The following PREX2 variants were observed in gnomAD, a reference collection of about 807,000 sequenced individuals.
The protein encoded by PREX2 is phosphatidylinositol 3,4,5-trisphosphate-dependent Rac exchanger 2 protein.
PREX2 carries 107 observed loss-of-function variants against 203.2 expected under a neutral mutation model. The ratio of observed to expected loss-of-function variants is 0.53; its 90% CI spans 0.45 to 0.62. The LOEUF (loss-of-function observed/expected upper bound fraction) is 0.62, where lower values mean the gene tolerates loss of function less well. PREX2 is among the 20% of genes least tolerant of loss of function. The pLI, the probability that PREX2 is intolerant of heterozygous loss-of-function variation, is 0.00. For synonymous variants in PREX2, 672 were observed against 663.6 expected, an observed-to-expected ratio of 1.01 and a Z score of -0.19; for missense variants, 1,777 against 1,955.9, an observed-to-expected ratio of 0.91 and a Z score of 1.72.
intron 23 of PREX2, chr8:68,105,008 T>G: frequency 1.7e-6 from 1 of 587,126 alleles, no homozygotes; most frequent in Non-Finnish European, 2.7e-6. Context: ...AGCAGATTAA[T>G]GAGTTCAGTG....
Position 68,099,811 on chromosome 8 carries a change from C to A in PREX2, c.2683C>A (p.His895Asn). Residue 895 changes from histidine to asparagine, a missense_variant, in exon 23 of 40, where the codon CAC becomes AAC. By Grantham distance (68) the His-to-Asn change is moderately conservative. Coordinates refer to ENST00000288368, the MANE Select transcript of PREX2 (RefSeq NM_024870.4). Reference sequence around the variant, plus strand: ...TGCCCTTTGCAGTGAAAGAATTGAACACCTATGTCAGAGAATATCCAGTTA... The same window carrying A: ...TGCCCTTTGCAGTGAAAGAATTGAAAACCTATGTCAGAGAATATCCAGTTA... ...FSALCSERIE[H>N]LCQRISSYKK... The A allele has an allele frequency of 6.2e-7, 1 of 1,611,896 alleles. No homozygotes were observed. Among genetic ancestry groups the A allele is most frequent in the African/African-American group, 1.3e-5 (1 of 74,980 alleles).
chr8:68,003,846 T>G (rs1807015361), intron 1 of PREX2, among the ~76,000 whole-genome samples: 1 of 25,922 alleles, frequency 3.9e-5, no homozygotes, highest in African/African-American at 1.1e-4. Flanking sequence ...CCTGACCTTT[T>G]TTTTTTTTTT....
intron 26 of PREX2, among the ~76,000 whole-genome samples, 165 bp from the exon 27 acceptor site, chr8:68,118,385 C>T (rs1176727236): frequency 2.6e-5 from 4 of 151,836 alleles, no homozygotes; most frequent in Non-Finnish European, 5.9e-5. Flanking sequence ...GAAAATATGC[C>T]GTCTTTAAAA....
chr8:68,170,113 G>T (rs1811846330), intron 35 of PREX2, among the ~76,000 whole-genome samples: 1 of 152,144 alleles, frequency 6.6e-6, no homozygotes. Context: ...GTGAATGGAT[G>T]CACTCAAGTC....
intron 19 of PREX2, 112 bp from the exon 20 acceptor site, chr8:68,090,467 A>C: frequency 2.3e-5 from 20 of 876,492 alleles, no homozygotes; most frequent in African/African-American, 3.4e-5. Flanking sequence ...TCAAGATTAT[A>C]CTAGCTAGAC....
chr8:68,080,946 C>T, intron 17 of PREX2, 108 bp downstream of exon 17: 1 of 722,518 alleles, frequency 1.4e-6, no homozygotes, highest in Non-Finnish European at 2.4e-6. Flanking sequence ...TTGAAATTAT[C>T]TTTATCAAAC....
At chr8:68,136,438 G>A (rs529552602) in intron 32 of PREX2, among the ~76,000 whole-genome samples, 26 of 152,318 alleles carry the variant, frequency 1.7e-4, no homozygotes, top group Admixed American at 3.3e-4. Context: ...TAGGAGCAGC[G>A]CTCTGGTGGT....
intron 39 of PREX2, among the ~76,000 whole-genome samples, chr8:68,229,625 G>A (rs1418231359): frequency 6.6e-6 from 1 of 152,138 alleles, no homozygotes; most frequent in Non-Finnish European, 1.5e-5. Flanking sequence ...CAATTTGCAA[G>A]GCAGACATTT....
At chr8:68,195,557 A>C (rs939723984) in intron 37 of PREX2, among the ~76,000 whole-genome samples, 1 of 152,228 alleles carries the variant, frequency 6.6e-6, no homozygotes, top group Admixed American at 6.5e-5. Flanking sequence ...ATTAGGATCC[A>C]AAACCCCACA....
intron 1 of PREX2, among the ~76,000 whole-genome samples, chr8:67,972,005 A>G (rs902427852): frequency 3.9e-5 from 6 of 152,228 alleles, no homozygotes; most frequent in African/African-American, 1.2e-4. Flanking sequence ...CTAAGTGCCA[A>G]TTTGTGAACA....
intron 1 of PREX2, among the ~76,000 whole-genome samples, chr8:68,016,107 C>G (rs1043425710): frequency 1.3e-5 from 2 of 152,072 alleles, no homozygotes; most frequent in East Asian, 3.9e-4. Flanking sequence ...AGTCTTGTTC[C>G]TCTTTTGATA....
intron 1 of PREX2, among the ~76,000 whole-genome samples, chr8:68,005,547 C>A (rs1297750024): frequency 6.6e-6 from 1 of 152,190 alleles, no homozygotes; most frequent in African/African-American, 2.4e-5. Context: ...CCTTTTGCCA[C>A]ACACAGTCTC....
chr8:68,142,081 T>G (rs1811241934), intron 33 of PREX2, among the ~76,000 whole-genome samples: 1 of 152,122 alleles, frequency 6.6e-6, no homozygotes, highest in Non-Finnish European at 1.5e-5. Flanking sequence ...TCAATAGCCC[T>G]CACGATAGAG....
intron 37 of PREX2, among the ~76,000 whole-genome samples, chr8:68,206,811 C>T (rs1812634767): frequency 6.6e-6 from 1 of 152,168 alleles, no homozygotes; most frequent in South Asian, 2.1e-4. Context: ...AGGATGCCTG[C>T]CTCATTGCTC....
intron 7 of PREX2, among the ~76,000 whole-genome samples, chr8:68,043,609 T>G (rs983617269): frequency 2.0e-4 from 30 of 152,238 alleles, no homozygotes; most frequent in African/African-American, 7.0e-4. Flanking sequence ...CCAGATTTTG[T>G]CACTGAGTCC....
rs1306219152 is a variant in PREX2 at position 68,236,347 on chromosome 8, C to T, written c.*4969C>T. 4 of 152,096 alleles carry T rather than the reference C, an allele frequency of 2.6e-5. No individual in the cohort carries two copies. Among genetic ancestry groups the T allele is most frequent in the South Asian group, 2.1e-4 (1 of 4,816 alleles). The allele number at this position is 152,096 out of a possible 1,614,324, so 9.4% of individuals were successfully genotyped here. A position where few individuals can be genotyped will look rare whatever the true frequency, so the allele number is the denominator to read the frequency against. ...AATGCTATCTGATCAAGCATTCATCCGAAAAATGTTTTTGAGAATTCACTT... is the reference window on the plus strand; with the variant it reads ...AATGCTATCTGATCAAGCATTCATCTGAAAAATGTTTTTGAGAATTCACTT... On this transcript the variant is annotated 3_prime_UTR_variant, in exon 40 of 40. Transcript: ENST00000288368.
chr8:68,105,680 A>T, intron 23 of PREX2: 2 of 118,186 alleles, frequency 1.7e-5, no homozygotes, highest in Non-Finnish European at 2.1e-5. Flanking sequence ...ATATATATGG[A>T]TTATATATAT....
intron 25 of PREX2, among the ~76,000 whole-genome samples, chr8:68,114,765 T>C (rs909064799): frequency 6.6e-6 from 1 of 152,140 alleles, no homozygotes; most frequent in Non-Finnish European, 1.5e-5. Context: ...CTCTGTTTAG[T>C]GTCTTGTAAT....
chr8:67,969,800 G>T (rs1805874229), intron 1 of PREX2, among the ~76,000 whole-genome samples: 1 of 152,110 alleles, frequency 6.6e-6, no homozygotes, highest in South Asian at 2.1e-4. Context: ...TTTGGTGAGT[G>T]GGTTCATTTT....
Sources: allele counts gnomAD v4.1 joint callset (sites outside exome capture counted in the v4.1 genomes callset), GRCh38; gene constraint gnomAD v4.1.1; transcripts MANE v1.5; gene names NCBI Gene and HGNC (gene_info 2026-07-23, HGNC 2026-07-21).